The following DCC variants were observed in gnomAD, a reference collection of about 807,000 sequenced individuals.
The protein encoded by DCC is DCC netrin 1 receptor, also known as netrin receptor DCC.
Under a neutral mutation model 172.5 loss-of-function variants are expected in DCC, and 58 were observed. That is an observed-to-expected ratio of 0.34 (90% CI 0.27 to 0.42). DCC has a LOEUF of 0.42. DCC is among the 10% of genes least tolerant of loss of function. The pLI, the probability that DCC is intolerant of heterozygous loss-of-function variation, is 1.00. For synonymous variants in DCC, 709 were observed against 644.5 expected (o/e 1.10, Z -1.52); for missense variants, 1,740 against 1,791.0 (o/e 0.97, Z 0.51).
At chr18:53,383,418 A>G (rs1045281728) in intron 15 of DCC, among the ~76,000 whole-genome samples, 2 of 151,282 alleles carry the variant, frequency 1.3e-5, no homozygotes, top group South Asian at 4.2e-4. Flanking sequence ...CACAGCATTT[A>G]TGCTTTTCTG....
chr18:52,892,132 C>T (rs1035032539), intron 2 of DCC, among the ~76,000 whole-genome samples: 1 of 152,044 alleles, frequency 6.6e-6, no homozygotes, highest in Non-Finnish European at 1.5e-5. Context: ...TATTGAACCA[C>T]GCATCTTTTA....
chr18:53,171,682 C>G (rs948726849), intron 8 of DCC, among the ~76,000 whole-genome samples: 1 of 151,938 alleles, frequency 6.6e-6, no homozygotes, highest in Admixed American at 6.6e-5. Context: ...GATTTTCTTG[C>G]GTCCCTTTCC....
chr18:53,260,869 C>A (rs1207934053), intron 12 of DCC, among the ~76,000 whole-genome samples: 1 of 152,144 alleles, frequency 6.6e-6, no homozygotes, highest in African/African-American at 2.4e-5. Flanking sequence ...AGCTTCAGGG[C>A]CGCTTTGTTT....
chr18:52,522,328 T>G (rs548768262), intron 1 of DCC, among the ~76,000 whole-genome samples: 1 of 152,280 alleles, frequency 6.6e-6, no homozygotes, highest in South Asian at 2.1e-4. Flanking sequence ...ATTCCCATCG[T>G]TAGACACAAT....
chr18:52,357,925 G>A (rs1490144442), intron 1 of DCC, among the ~76,000 whole-genome samples: 37 of 130,980 alleles, frequency 2.8e-4, no homozygotes, highest in Non-Finnish European at 4.1e-4. Context: ...GCGACAGAGC[G>A]AGACTCTGTG....
At chr18:52,664,541 G>T (rs1436670946) in intron 1 of DCC, among the ~76,000 whole-genome samples, 6 of 142,434 alleles carry the variant, frequency 4.2e-5, no homozygotes, top group African/African-American at 1.6e-4. Context: ...CGCGATCTCG[G>T]CTCACTGCAA....
intron 1 of DCC, among the ~76,000 whole-genome samples, chr18:52,471,514 A>C (rs1007587883): frequency 6.6e-6 from 1 of 152,184 alleles, no homozygotes; most frequent in African/African-American, 2.4e-5. Context: ...GACTTAGGTA[A>C]ATGTAAATGA....
chr18:53,112,227 C>T (rs535998428), intron 7 of DCC, among the ~76,000 whole-genome samples: 11 of 151,594 alleles, frequency 7.3e-5, no homozygotes, highest in African/African-American at 2.7e-4. Context: ...AAGAAAAATA[C>T]TTAGCCTTTA....
At chr18:53,020,298 A>G (rs1838502166) in intron 5 of DCC, among the ~76,000 whole-genome samples, 2 of 152,200 alleles carry the variant, frequency 1.3e-5, no homozygotes, top group African/African-American at 4.8e-5. Flanking sequence ...AGCTTTTATT[A>G]AAAATAGTTC....
chr18:52,357,057 T>C (rs1365804280), intron 1 of DCC, among the ~76,000 whole-genome samples: 3 of 152,196 alleles, frequency 2.0e-5, no homozygotes, highest in Non-Finnish European at 2.9e-5. Context: ...AGTGCTGGGA[T>C]TATAGGCATA....
intron 5 of DCC, among the ~76,000 whole-genome samples, chr18:52,955,013 C>G (rs2040718560): frequency 6.6e-6 from 1 of 152,104 alleles, no homozygotes; most frequent in Admixed American, 6.6e-5. Context: ...TCCCACGCCT[C>G]AATGATGCAT....
intron 23 of DCC, among the ~76,000 whole-genome samples, chr18:53,453,158 G>A (rs1292812282): frequency 1.3e-5 from 2 of 152,022 alleles, no homozygotes; most frequent in Non-Finnish European, 2.9e-5. Context: ...TTCATGATCT[G>A]CCCGCCTCAG....
At chr18:52,933,791 C>A (rs1257921775) in intron 5 of DCC, among the ~76,000 whole-genome samples, 1 of 152,064 alleles carries the variant, frequency 6.6e-6, no homozygotes, top group South Asian at 2.1e-4. Context: ...TATTTCCCAT[C>A]ATGGTGAAGT....
intron 1 of DCC, among the ~76,000 whole-genome samples, chr18:52,650,126 G>A (rs1394381106): frequency 6.6e-6 from 1 of 151,886 alleles, no homozygotes; most frequent in Non-Finnish European, 1.5e-5. Flanking sequence ...TTACAGGAAT[G>A]TACCACCACG....
intron 7 of DCC, among the ~76,000 whole-genome samples, chr18:53,108,027 T>C (rs1275276724): frequency 7.9e-5 from 12 of 151,824 alleles, no homozygotes; most frequent in Admixed American, 7.9e-4. Flanking sequence ...ATAAATTAAC[T>C]TTAATCCAAG....
intron 5 of DCC, among the ~76,000 whole-genome samples, chr18:52,980,309 G>A (rs1457586292): frequency 6.6e-6 from 1 of 152,088 alleles, no homozygotes; most frequent in Non-Finnish European, 1.5e-5. Context: ...AATTCAGGTA[G>A]TTGTTTGTTT....
intron 21 of DCC, among the ~76,000 whole-genome samples, chr18:53,419,492 G>A (rs1568119623): frequency 1.3e-5 from 2 of 150,798 alleles, no homozygotes; most frequent in Non-Finnish European, 2.9e-5. Flanking sequence ...TCTCTACATC[G>A]ATGAATTCAA....
chr18:52,936,799 T>C (rs2040387752), intron 5 of DCC, among the ~76,000 whole-genome samples: 1 of 152,136 alleles, frequency 6.6e-6, no homozygotes, highest in Admixed American at 6.6e-5. Flanking sequence ...GTGATAAGAC[T>C]CAAACCACAT....
At chr18:53,148,951 C>T (rs1431012436) in intron 7 of DCC, among the ~76,000 whole-genome samples, 1 of 149,352 alleles carries the variant, frequency 6.7e-6, no homozygotes, top group African/African-American at 2.5e-5. Flanking sequence ...GCAACCTCCA[C>T]CTCCTGGGTT....
Sources: gnomAD v4.1 joint callset for allele counts (sites outside exome capture counted in the v4.1 genomes callset) on GRCh38, gnomAD v4.1.1 for gene constraint, MANE v1.5 for transcripts, NCBI Gene and HGNC (gene_info 2026-07-23, HGNC 2026-07-21) for gene names.